KIAA1614: variants seen among roughly 807,000 people sequenced by gnomAD.
KIAA1614 encodes KIAA1614.
Under a neutral mutation model 88.7 loss-of-function variants are expected in KIAA1614, and 76 were observed. The ratio of observed to expected loss-of-function variants is 0.86; its 90% CI spans 0.71 to 1.04. The LOEUF is 1.04. Among genes scored for constraint, KIAA1614 ranks in the 50% least tolerant of loss-of-function variants. The pLI is 0.00. For missense variants in KIAA1614, 1,553 were observed against 1,582.5 expected, an observed-to-expected ratio of 0.98 and a Z score of 0.32; for synonymous variants, 714 against 675.5, an observed-to-expected ratio of 1.06 and a Z score of -0.88.
intron 4 of KIAA1614, among the ~76,000 whole-genome samples, chr1:180,929,439 A>C (rs1654144387): frequency 6.6e-6 from 1 of 152,190 alleles, no homozygotes; most frequent in Admixed American, 6.5e-5. Context: ...CAGAACATCC[A>C]CTGGAAATGC....
Position 180,917,883 on chromosome 1 carries a change from G to C in KIAA1614, c.1030G>C (p.Gly344Arg). Residue 344 changes from glycine (G) to arginine (R), a missense_variant, in exon 3 of 9, where the codon GGC (glycine) becomes CGC (arginine). Gly to Arg is a moderately radical substitution (Grantham distance 125, BLOSUM62 -2). Coordinates refer to ENST00000367588, the MANE Select transcript of KIAA1614 (RefSeq NM_020950.2). ...AGTGGGGGATGTGGACTGGGCCTCGGGCACCTCCTTGCAGGACTCCGGCCA... is the reference window on the plus strand; with the variant it reads ...AGTGGGGGATGTGGACTGGGCCTCGCGCACCTCCTTGCAGGACTCCGGCCA... ...RPVGDVDWAS[G>R]TSLQDSGQNR... 1 of 1,613,942 alleles carries C rather than the reference G, an allele frequency of 6.2e-7. No homozygotes were observed. Among genetic ancestry groups the C allele is most frequent in the Non-Finnish European group, 8.5e-7 (1 of 1,179,980 alleles).
At chr1:180,921,820 G>T (rs1019211596) in intron 3 of KIAA1614, among the ~76,000 whole-genome samples, 1 of 152,230 alleles carries the variant, frequency 6.6e-6, no homozygotes, top group Non-Finnish European at 1.5e-5. Context: ...TGCCTGGAAG[G>T]ACTCATAAGA....
chr1:180,948,557 T>C lies in KIAA1614; in HGVS notation c.*2969T>C, dbSNP rs1409197141. ...GTGTCTGGCCTAGCTCTGGCAGCAT[T>C]CTTTCAGGGTTTATCATTAGTCCCC... On this transcript the variant is annotated 3_prime_UTR_variant, in exon 9 of 9. Transcript: ENST00000367588. 3 of 152,322 alleles carry C rather than the reference T, an allele frequency of 2.0e-5. No individual in the cohort carries two copies. Among genetic ancestry groups the C allele is most frequent in the Non-Finnish European group, 1.5e-5 (1 of 68,048 alleles). 9.4% of individuals were successfully genotyped at this position (152,322 alleles called of 1,614,324 possible).
intron 3 of KIAA1614, among the ~76,000 whole-genome samples, chr1:180,925,459 C>A (rs149231156): frequency 0.014 from 2,107 of 152,336 alleles, 20 homozygotes; most frequent in Non-Finnish European, 0.022. Flanking sequence ...TCTACATTCC[C>A]AGTTATTTCC....
chr1:180,942,136 G>A (rs1053629206), intron 7 of KIAA1614, among the ~76,000 whole-genome samples: 1 of 139,036 alleles, frequency 7.2e-6, no homozygotes, highest in Non-Finnish European at 1.5e-5. Context: ...ATCATGTTTA[G>A]TTGGGTTTTT....
rs1654326461 is a variant in KIAA1614 at position 180,936,100 on chromosome 1, A to G, written c.2191A>G (p.Ser731Gly). The G allele has an allele frequency of 6.2e-7, 1 of 1,614,070 alleles. No individual in the cohort carries two copies. Among genetic ancestry groups the G allele is most frequent in the Admixed American group, 1.7e-5 (1 of 60,002 alleles). ...PQWQPGPGLG[S>G]HQPHPLDSRT... ...GTGGCAGCCTGGACCAGGGCTGGGA[A>G]GTCACCAGCCTCACCCTTTGGATTC... The change falls in exon 5 of 9, where the codon AGT becomes GGT. Residue 731 changes from serine to glycine, a missense_variant. Physicochemically the swap from Ser to Gly is moderately conservative, Grantham distance 56. Transcript: ENST00000367588.
Position 180,944,480 on chromosome 1 carries a change from TG to T in KIAA1614, c.3253del (p.Val1085Ter). 6.2e-7 allele frequency: 1 copy of T among 1,613,790 alleles called. No homozygotes were observed. The highest frequency in any genetic ancestry group is 8.5e-7 in the Non-Finnish European group (1 of 1,179,814). On this transcript the variant is annotated frameshift_variant, in exon 8 of 9. Transcript: ENST00000367588. LOFTEE classifies it low-confidence loss of function (END_TRUNC). ...SSKGNRSSLY[L>X]VAGPGDHSAA... ...AAGGGGAACCGGTCCAGCCTCTACC[TG>T]GTAGCAGGGCCAGGGGACCACAGTG...
Position 180,913,299 on chromosome 1 carries a change from T to G in KIAA1614, c.50+6T>G. The G allele has an allele frequency of 8.0e-7, 1 of 1,247,614 alleles. No homozygotes were observed. Among genetic ancestry groups the G allele is most frequent in the Non-Finnish European group, 1.0e-6 (1 of 989,544 alleles). The allele number at this position is 1,247,614 out of a possible 1,614,324, so 77.3% of individuals were successfully genotyped here. ...CCCGCGGGCGGCAGCCCCCAGTGAGTATAGAGGAGGCAGCGCCGGGCCGGC... is the reference window on the plus strand; with the variant it reads ...CCCGCGGGCGGCAGCCCCCAGTGAGGATAGAGGAGGCAGCGCCGGGCCGGC... On this transcript the variant is annotated splice_donor_region_variant and intron_variant, in intron 1 of 8. Transcript: ENST00000367588.
At chr1:180,931,733 A>G (rs986600305) in intron 4 of KIAA1614, among the ~76,000 whole-genome samples, 1 of 152,250 alleles carries the variant, frequency 6.6e-6, no homozygotes, top group African/African-American at 2.4e-5. Context: ...GTGAAAGTTA[A>G]GACCACTGAT....
In KIAA1614 at chr1:180,916,769, G is replaced by C; in HGVS notation, c.666G>C (p.Gly222=). The change falls in exon 2 of 9, where the codon GGG becomes GGC. Residue 222 remains glycine (G), a synonymous_variant. Coordinates refer to ENST00000367588, the MANE Select transcript of KIAA1614 (RefSeq NM_020950.2). ...PIHGVTPGRP[G]GPGHCNKIIH... ...ATGGAGTTACTCCCGGACGGCCTGG[G>C]GGTCCTGGTCATTGTAACAAAATCA... The C allele has an allele frequency of 6.2e-7, 1 of 1,614,218 alleles. No individual in the cohort carries two copies. Among genetic ancestry groups the C allele is most frequent in the Non-Finnish European group, 8.5e-7 (1 of 1,180,036 alleles).
chr1:180,929,498 T>G (rs1441377875), intron 4 of KIAA1614, among the ~76,000 whole-genome samples: 1 of 152,144 alleles, frequency 6.6e-6, no homozygotes, highest in Non-Finnish European at 1.5e-5. Flanking sequence ...AGATCAGAAC[T>G]GAAGATTTGG....
chr1:180,934,649 G>T (rs1654275212), intron 4 of KIAA1614, among the ~76,000 whole-genome samples: 2 of 152,262 alleles, frequency 1.3e-5, no homozygotes, highest in African/African-American at 4.8e-5. Flanking sequence ...TCCTTTAAGT[G>T]GAAACTTAAA....
chr1:180,923,750 C>G (rs1357342994), intron 3 of KIAA1614, among the ~76,000 whole-genome samples: 3 of 152,066 alleles, frequency 2.0e-5, no homozygotes, highest in African/African-American at 7.2e-5. Flanking sequence ...GGAGTCCCGG[C>G]TGAGTGCGGG....
At chr1:180,927,338 C>G (rs1654090505) in intron 3 of KIAA1614, among the ~76,000 whole-genome samples, 1 of 152,194 alleles carries the variant, frequency 6.6e-6, no homozygotes, top group Admixed American at 6.5e-5. Flanking sequence ...CGCATCTGCC[C>G]CCAGCCACAA....
intron 4 of KIAA1614, among the ~76,000 whole-genome samples, chr1:180,934,676 A>G (rs1321042445): frequency 6.6e-6 from 1 of 152,232 alleles, no homozygotes; most frequent in Admixed American, 6.5e-5. Flanking sequence ...TGTTCCCGTG[A>G]CAGCATTACA....
At chr1:180,920,273 C>T (rs1653924831) in intron 3 of KIAA1614, among the ~76,000 whole-genome samples, 1 of 152,228 alleles carries the variant, frequency 6.6e-6, no homozygotes, top group Admixed American at 6.5e-5. Flanking sequence ...ACTTCTGTAT[C>T]AATGAACTTC....
At position 180,924,440 on chromosome 1, in the gene KIAA1614, G is replaced by A. The variant is rs1194054600; in HGVS notation, c.1062-3990G>A. 2.3e-4 allele frequency among the ~76,000 whole-genome samples: 35 copies of A among 152,204 alleles called. 1 individual carries two copies. The highest frequency in any genetic ancestry group is 2.3e-3 in the Admixed American group (35 of 15,282). On this transcript the variant is annotated intron_variant, in intron 3 of 8. Coordinates refer to ENST00000367588, the MANE Select transcript of KIAA1614 (RefSeq NM_020950.2). ...AATCTGTTCATCTTCAGGAAGGCAG[G>A]GGCAGGGTGGCTCTGCTCTCCTCAG... is the stretch of plus-strand genomic sequence containing the variant.
rs1022006549 is a variant in KIAA1614, at chr1:180,949,563, G to A, written c.*3975G>A. On this transcript the variant is annotated 3_prime_UTR_variant, in exon 9 of 9. Transcript: ENST00000367588. ...GACGGGGGGCTCCCTGAGAGCCGGA[G>A]CCTGGCAAAGAAGCAGAGAAGCTAG... 30 of 152,334 alleles carry A rather than the reference G, an allele frequency of 2.0e-4. No homozygotes were observed. Among genetic ancestry groups the A allele is most frequent in the Admixed American group, 2.0e-3 (30 of 15,292 alleles). 9.4% of individuals were successfully genotyped at this position (152,334 alleles called of 1,614,324 possible). A position where few individuals can be genotyped will look rare whatever the true frequency, so the allele number is the denominator to read the frequency against.
intron 3 of KIAA1614, among the ~76,000 whole-genome samples, chr1:180,927,900 C>G (rs1211792675): frequency 6.6e-6 from 1 of 152,174 alleles, no homozygotes; most frequent in African/African-American, 2.4e-5. Context: ...TGCCATTCCC[C>G]CAAAGGGCCC....
Sources: allele counts gnomAD v4.1 joint callset (sites outside exome capture counted in the v4.1 genomes callset), GRCh38; gene constraint gnomAD v4.1.1; transcripts MANE v1.5; gene names NCBI Gene and HGNC (gene_info 2026-07-23, HGNC 2026-07-21).